UBE2F: variants seen among roughly 807,000 people sequenced by gnomAD.
The protein encoded by UBE2F is ubiquitin conjugating enzyme E2 F (putative), also known as NEDD8-conjugating enzyme UBE2F.
In UBE2F, 5 loss-of-function variants were observed where a neutral mutation model predicts 29.6. The observed-to-expected ratio is 0.17, with a 90% CI of 0.09 to 0.36. UBE2F has a LOEUF of 0.36. Ranked by LOEUF, UBE2F falls within the 10% of genes least tolerant of loss-of-function variation. The probability of loss-of-function intolerance (pLI) is 1.00; values close to 1 mark genes in which losing one functional copy is unlikely to be tolerated. For synonymous variants in UBE2F, 66 were observed against 81.8 expected (o/e 0.81, Z 1.04); for missense variants, 141 against 228.5 (o/e 0.62, Z 2.47).
Position 238,023,020 on chromosome 2 carries a change from C to T in UBE2F, c.283-2322C>T, listed in dbSNP as rs556545371. Among the ~76,000 whole-genome samples, 270 of 152,306 alleles carry T rather than the reference C, an allele frequency of 1.8e-3. 1 individual carries two copies. The highest frequency in any genetic ancestry group is 3.3e-3 in the Non-Finnish European group (226 of 68,016). On this transcript the variant is annotated intron_variant, in intron 5 of 9. Transcript: ENST00000272930. ...GGGGACAGGAGGAAGGGCGAATACCCGCAAGCCTTTGGGAGATGTGGTAGC... is the reference window on the plus strand; with the variant it reads ...GGGGACAGGAGGAAGGGCGAATACCTGCAAGCCTTTGGGAGATGTGGTAGC...
At chr2:237,988,885 T>G (rs1028450509) in intron 3 of UBE2F, among the ~76,000 whole-genome samples, 2 of 152,214 alleles carry the variant, frequency 1.3e-5, no homozygotes, top group Non-Finnish European at 2.9e-5. Flanking sequence ...GAGTCCATCT[T>G]GCTTGATTGT....
intron 4 of UBE2F, among the ~76,000 whole-genome samples, chr2:238,000,934 T>C (rs1559212544): frequency 6.6e-6 from 1 of 152,196 alleles, no homozygotes; most frequent in Non-Finnish European, 1.5e-5. Flanking sequence ...GTTTGCTACC[T>C]GTATATCTTC....
chr2:237,976,706 C>T lies in UBE2F; in HGVS notation c.118+3481C>T, dbSNP rs938858061. On this transcript the variant is annotated intron_variant, in intron 2 of 9. Coordinates refer to ENST00000272930, the MANE Select transcript of UBE2F (RefSeq NM_080678.3). ...GCAGAGCCCTGATGACAATCACTTC[C>T]CTAGAGGCCCCACCTCTTAATACTA... Among the ~76,000 whole-genome samples the T allele has an allele frequency of 3.9e-5, 6 of 152,292 alleles. No homozygotes were observed. In the South Asian group the frequency reaches 6.2e-4, roughly 16 times the overall value.
intron 4 of UBE2F, among the ~76,000 whole-genome samples, chr2:238,013,125 C>T (rs185878670): frequency 2.2e-4 from 34 of 152,230 alleles, no homozygotes; most frequent in Non-Finnish European, 3.1e-4. Flanking sequence ...AAAAAACTAG[C>T]TGGGCGTGGT....
At chr2:238,025,287 G>A (rs1418797465) in intron 5 of UBE2F, 55 bp from the exon 6 acceptor site, 2 of 1,472,116 alleles carry the variant, frequency 1.4e-6, no homozygotes, top group African/African-American at 1.4e-5. Flanking sequence ...CTGGCCTGGA[G>A]ATGTGATTTG....
intron 2 of UBE2F, among the ~76,000 whole-genome samples, chr2:237,983,574 A>C (rs1055798438): frequency 1.2e-4 from 18 of 151,146 alleles, no homozygotes; most frequent in African/African-American, 4.1e-4. Flanking sequence ...TAGCCTTTTC[A>C]TTCCTCCACT....
At chr2:238,034,407 A>C (rs187236489) in intron 8 of UBE2F, among the ~76,000 whole-genome samples, 2 of 152,210 alleles carry the variant, frequency 1.3e-5, no homozygotes, top group African/African-American at 4.8e-5. Flanking sequence ...CAGGCTGGGC[A>C]ACAAGAGCGA....
intron 4 of UBE2F, chr2:238,003,361 T>G (rs769193224): frequency 6.8e-5 from 32 of 471,046 alleles, no homozygotes; most frequent in African/African-American, 6.4e-4. Context: ...TCCTTGCTCC[T>G]TCCAAGAATT....
intron 5 of UBE2F, among the ~76,000 whole-genome samples, chr2:238,019,848 CGG>C (rs1188172029): frequency 1.3e-5 from 2 of 151,830 alleles, no homozygotes; most frequent in African/African-American, 4.8e-5. Flanking sequence ...TTAGTAGAGA[CGG>C]GGTTTCACCA....
chr2:237,975,354 C>T (rs977940776), intron 2 of UBE2F, among the ~76,000 whole-genome samples: 2 of 151,998 alleles, frequency 1.3e-5, no homozygotes, highest in Admixed American at 6.6e-5. Flanking sequence ...AAGTGATCCA[C>T]GCACCTCGGC....
At chr2:238,035,067 T>G (rs1009895680) in intron 8 of UBE2F, 2 of 152,232 alleles carry the variant, frequency 1.3e-5, no homozygotes, top group African/African-American at 4.8e-5. Flanking sequence ...AATTTTCGTA[T>G]TTTTGGTAGA....
intron 4 of UBE2F, among the ~76,000 whole-genome samples, chr2:237,999,927 C>T (rs564795133): frequency 9.9e-5 from 15 of 151,284 alleles, no homozygotes; most frequent in South Asian, 4.2e-4. Flanking sequence ...CAGGTTCGAG[C>T]GATTCTCCTG....
At chr2:238,006,800 G>T (rs2063918342) in intron 4 of UBE2F, among the ~76,000 whole-genome samples, 1 of 141,070 alleles carries the variant, frequency 7.1e-6, no homozygotes. Flanking sequence ...TTGTTTCCCA[G>T]GCTGGAGTAC....
intron 3 of UBE2F, among the ~76,000 whole-genome samples, chr2:237,992,458 AGTTT>A (rs1160663634): frequency 2.0e-5 from 3 of 152,206 alleles, no homozygotes; most frequent in Admixed American, 6.5e-5. Flanking sequence ...CTTTGGCTCC[AGTTT>A]GTTTATTTCT....
intron 9 of UBE2F, among the ~76,000 whole-genome samples, chr2:238,038,797 A>T (rs1189887654): frequency 6.6e-6 from 1 of 152,336 alleles, no homozygotes; most frequent in East Asian, 1.9e-4. Context: ...TGAGCACCGC[A>T]TCCTTATGTC....
rs1195500360 is a variant in UBE2F, at chr2:237,999,864, G to A, written c.214+5055G>A. ...TTTTGAGACGGAGTCTCACTGTGTCGCCTAGGCTGGAGTGCAGTGGCGCGA... is the reference window on the plus strand; with the variant it reads ...TTTTGAGACGGAGTCTCACTGTGTCACCTAGGCTGGAGTGCAGTGGCGCGA... On this transcript the variant is annotated intron_variant, in intron 4 of 9. Coordinates refer to ENST00000272930, the MANE Select transcript of UBE2F (RefSeq NM_080678.3). 5.6e-5 allele frequency among the ~76,000 whole-genome samples: 8 copies of A among 143,896 alleles called. No homozygotes were observed. In the East Asian group the frequency reaches 1.6e-3, roughly 29 times the overall value. 94.4% of individuals were successfully genotyped at this position (143,896 alleles called of 152,430 possible).
chr2:237,976,558 GT>G (rs2063285974), intron 2 of UBE2F, among the ~76,000 whole-genome samples: 1 of 152,186 alleles, frequency 6.6e-6, no homozygotes, highest in African/African-American at 2.4e-5. Context: ...GGTACAGGTA[GT>G]TCTCTGCTTC....
At chr2:237,999,702 T>A (rs1438019957) in intron 4 of UBE2F, among the ~76,000 whole-genome samples, 1 of 152,252 alleles carries the variant, frequency 6.6e-6, no homozygotes, top group Non-Finnish European at 1.5e-5. Flanking sequence ...TTTTTGGACT[T>A]GATTCTGTTC....
rs879572146 is a variant in UBE2F, at chr2:238,040,674, C to A, written c.508-614C>A. Among the ~76,000 whole-genome samples, 4 of 152,154 alleles carry A rather than the reference C, an allele frequency of 2.6e-5. No homozygotes were observed. The East Asian group carries it at 7.7e-4, about 29-fold the overall frequency. On this transcript the variant is annotated intron_variant, in intron 9 of 9. Transcript: ENST00000272930. This position sits in a 1 kb window ranked among gnomAD's most constrained non-coding sequence, Gnocchi z 4.4. ...GCCCAGATCCGAGAAGATTGTTCCA[C>A]CCATACTGGCCTGGGGTGATTCCTA...
Sources: gnomAD v4.1 joint callset for allele counts (sites outside exome capture counted in the v4.1 genomes callset) on GRCh38, gnomAD v4.1.1 for gene constraint, Gnocchi (gnomAD v3.1) non-coding constraint, MANE v1.5 for transcripts, NCBI Gene and HGNC (gene_info 2026-07-23, HGNC 2026-07-21) for gene names.